SDK1: variants seen among roughly 807,000 people sequenced by gnomAD.
SDK1 encodes protein sidekick-1.
In SDK1, 157 loss-of-function variants were observed where a neutral mutation model predicts 245.5. That is an observed-to-expected ratio of 0.64 (90% CI 0.56 to 0.73). SDK1 has a LOEUF of 0.73. SDK1 is among the 30% of genes least tolerant of loss of function. The probability of loss-of-function intolerance (pLI) is 0.00; values close to 1 mark genes in which losing one functional copy is unlikely to be tolerated. For missense variants in SDK1, 3,583 were observed against 3,002.3 expected, an observed-to-expected ratio of 1.19 and a Z score of -4.52; for synonymous variants, 1,647 against 1,278.5, an observed-to-expected ratio of 1.29 and a Z score of -6.15.
At chr7:3,390,192 G>C (rs1781712633) in intron 1 of SDK1, among the ~76,000 whole-genome samples, 1 of 152,154 alleles carries the variant, frequency 6.6e-6, no homozygotes, top group Non-Finnish European at 1.5e-5. Flanking sequence ...GTGGTCTGCA[G>C]CTTCAGCTTC....
chr7:3,736,279 A>G (rs1024329125), intron 4 of SDK1, among the ~76,000 whole-genome samples: 3 of 152,176 alleles, frequency 2.0e-5, no homozygotes, highest in South Asian at 2.1e-4. Context: ...TAAAAACTTT[A>G]TAATGAGACA....
intron 1 of SDK1, among the ~76,000 whole-genome samples, chr7:3,597,052 T>C (rs58498999): frequency 0.16 from 24,126 of 151,708 alleles, 3,341 homozygotes; most frequent in East Asian, 0.35. Flanking sequence ...AGGCGGATCA[T>C]GAGGTCAGGA....
At position 4,026,699 on chromosome 7, in the gene SDK1, T is replaced by A. The variant is rs1787372086; in HGVS notation, c.2602+9347T>A. On this transcript the variant is annotated intron_variant, in intron 17 of 44. Coordinates refer to ENST00000404826, the MANE Select transcript of SDK1 (RefSeq NM_152744.4). This position sits in a 1 kb window ranked among gnomAD's most constrained non-coding sequence, Gnocchi z 4.1. ...ATTTGTCAAAGGTTTGTTAACCTAA[T>A]AATGCCGTAGAAATGTTTAATGCAG... is the stretch of plus-strand genomic sequence containing the variant. 6.6e-6 allele frequency among the ~76,000 whole-genome samples: 1 copy of A among 152,234 alleles called. No homozygotes were observed. Among genetic ancestry groups the A allele is most frequent in the Admixed American group, 6.5e-5 (1 of 15,282 alleles).
intron 4 of SDK1, among the ~76,000 whole-genome samples, chr7:3,808,456 G>C (rs1225418201): frequency 6.6e-6 from 1 of 152,250 alleles, no homozygotes; most frequent in East Asian, 1.9e-4. Flanking sequence ...TAATGGTTCA[G>C]TGGGATTTGC....
chr7:3,864,738 A>G (rs549528464), intron 5 of SDK1, among the ~76,000 whole-genome samples: 124 of 152,074 alleles, frequency 8.2e-4, no homozygotes, highest in Non-Finnish European at 1.5e-3. Flanking sequence ...AGCCCCAGGG[A>G]ATACACCCTG....
intron 4 of SDK1, among the ~76,000 whole-genome samples, chr7:3,693,458 G>C (rs903298560): frequency 2.6e-5 from 4 of 152,128 alleles, no homozygotes; most frequent in Non-Finnish European, 5.9e-5. Context: ...GGTTTGAGGA[G>C]AACTGACATC....
intron 1 of SDK1, among the ~76,000 whole-genome samples, chr7:3,332,495 C>G (rs1446997978): frequency 6.6e-6 from 1 of 152,132 alleles, no homozygotes; most frequent in Non-Finnish European, 1.5e-5. Context: ...AGTAAGTCTC[C>G]TAAAGCGAAG....
rs1478774499 is a variant in SDK1, at chr7:3,301,913, G to A, written c.298+29G>A. ...GGTGCGCGCGGGGTCGCGGGCCGGG[G>A]GCGTCGCCTCGGGGCGCGGAGGCGC... On this transcript the variant is annotated intron_variant, in intron 1 of 44. Transcript: ENST00000404826. 3 of 1,131,990 alleles carry A rather than the reference G, an allele frequency of 2.7e-6. No individual in the cohort carries two copies. The African/African-American group carries it at 4.9e-5, about 19-fold the overall frequency. 70.1% of individuals were successfully genotyped at this position (1,131,990 alleles called of 1,614,324 possible).
At chr7:4,093,860 A>G (rs537047183) in intron 22 of SDK1, among the ~76,000 whole-genome samples, 1 of 152,312 alleles carries the variant, frequency 6.6e-6, no homozygotes, top group East Asian at 1.9e-4. Context: ...GACACCTTGC[A>G]GGATGTATGG....
intron 4 of SDK1, among the ~76,000 whole-genome samples, chr7:3,730,283 C>T (rs1779140792): frequency 6.6e-6 from 1 of 152,156 alleles, no homozygotes; most frequent in Non-Finnish European, 1.5e-5. Flanking sequence ...GGGAGGTGCT[C>T]TGTTGTGGTT....
Position 4,268,361 on chromosome 7 carries a change from G to A in SDK1, c.*2977G>A, listed in dbSNP as rs886171567. ...GAGAGCTGCCAGGCCACACCCCCTC[G>A]GCCTCCTGCACGGCCACCTTCTGGG... On this transcript the variant is annotated 3_prime_UTR_variant, in exon 45 of 45. Coordinates refer to ENST00000404826, the MANE Select transcript of SDK1 (RefSeq NM_152744.4). The A allele has an allele frequency of 1.2e-5, 13 of 1,052,318 alleles. No homozygotes were observed. Among genetic ancestry groups the A allele is most frequent in the Admixed American group, 5.0e-5 (1 of 20,130 alleles). 65.2% of individuals were successfully genotyped at this position (1,052,318 alleles called of 1,614,324 possible).
At chr7:3,684,196 C>A (rs186718965) in intron 4 of SDK1, among the ~76,000 whole-genome samples, 16 of 152,322 alleles carry the variant, frequency 1.1e-4, no homozygotes, top group Admixed American at 5.9e-4. Flanking sequence ...GCCTCTACCC[C>A]AACTCAGCAT....
At chr7:3,799,730 C>A (rs146522502) in intron 4 of SDK1, among the ~76,000 whole-genome samples, 5 of 149,300 alleles carry the variant, frequency 3.3e-5, no homozygotes, top group Admixed American at 6.7e-5. Context: ...AAAATGACCT[C>A]GTTTATCCTA....
intron 13 of SDK1, among the ~76,000 whole-genome samples, chr7:3,986,377 A>T (rs11978979): frequency 0.25 from 37,288 of 152,034 alleles, 4,720 homozygotes; most frequent in South Asian, 0.3. Flanking sequence ...ATGTAACCTC[A>T]TGCTGTCAAT....
intron 5 of SDK1, among the ~76,000 whole-genome samples, chr7:3,860,187 T>C (rs944255902): frequency 3.3e-5 from 5 of 152,160 alleles, no homozygotes; most frequent in Admixed American, 6.5e-5. Flanking sequence ...CCCAGAGTGA[T>C]AGAAATATTT....
At chr7:3,628,969 CT>C (rs1459129113) in intron 2 of SDK1, among the ~76,000 whole-genome samples, 2 of 151,868 alleles carry the variant, frequency 1.3e-5, no homozygotes, top group African/African-American at 4.8e-5. Flanking sequence ...ATCAAGGCAG[CT>C]AGATTTCTTA....
rs756133069 is a variant in SDK1, at chr7:3,639,060, G to C, written c.515G>C (p.Arg172Pro). ...LDAGFYRCVV[R>P]NRMGALLQRK... ...GCTGGGTTTTACCGCTGCGTGGTGC[G>C]AAACAGAATGGGAGCACTCCTGCAA... is the stretch of plus-strand genomic sequence containing the variant. Residue 172 changes from arginine to proline, a missense_variant, in exon 3 of 45, where the codon CGA becomes CCA. Coordinates refer to ENST00000404826, the MANE Select transcript of SDK1 (RefSeq NM_152744.4). 1 of 1,604,606 alleles carries C rather than the reference G, an allele frequency of 6.2e-7. No individual in the cohort carries two copies. The highest frequency in any genetic ancestry group is 1.1e-5 in the South Asian group (1 of 89,946).
intron 35 of SDK1, among the ~76,000 whole-genome samples, chr7:4,193,283 CAT>C (rs1393760080): frequency 7.8e-6 from 1 of 127,742 alleles, no homozygotes; most frequent in Non-Finnish European, 1.6e-5. Flanking sequence ...ATATAAAATA[CAT>C]ATAAAATTAC....
intron 5 of SDK1, among the ~76,000 whole-genome samples, chr7:3,851,073 G>C (rs1780408496): frequency 6.6e-6 from 1 of 152,060 alleles, no homozygotes; most frequent in Non-Finnish European, 1.5e-5. Flanking sequence ...AAACCTGATG[G>C]TGCAACTAAA....
Sources: gnomAD v4.1 joint callset for allele counts (sites outside exome capture counted in the v4.1 genomes callset) on GRCh38, gnomAD v4.1.1 for gene constraint, Gnocchi (gnomAD v3.1) non-coding constraint, MANE v1.5 for transcripts, NCBI Gene and HGNC (gene_info 2026-07-23, HGNC 2026-07-21) for gene names.